The following OLFML2B variants were observed in gnomAD, a reference collection of about 807,000 sequenced individuals.
OLFML2B encodes olfactomedin like 2B.
Under a neutral mutation model 74.9 loss-of-function variants are expected in OLFML2B, and 57 were observed. The ratio of observed to expected loss-of-function variants is 0.76; its 90% CI spans 0.61 to 0.95. The LOEUF (loss-of-function observed/expected upper bound fraction) is 0.95, where lower values mean the gene tolerates loss of function less well. Ranked by LOEUF, OLFML2B falls within the 40% of genes least tolerant of loss-of-function variation. The pLI is 0.00. For missense variants in OLFML2B, 986 were observed against 970.6 expected (o/e 1.02, Z -0.21); for synonymous variants, 388 against 405.8 (o/e 0.96, Z 0.53).
chr1:161,992,793 T>G (rs1689779493), intron 6 of OLFML2B, among the ~76,000 whole-genome samples: 2 of 152,142 alleles, frequency 1.3e-5, no homozygotes, highest in Non-Finnish European at 2.9e-5. Flanking sequence ...CCCAAAACAA[T>G]GAAAATAGTA....
At chr1:161,987,736 T>C (rs929162539) in intron 6 of OLFML2B, among the ~76,000 whole-genome samples, 2 of 152,220 alleles carry the variant, frequency 1.3e-5, no homozygotes, top group African/African-American at 2.4e-5. Context: ...AGTCAGCTTC[T>C]TGGGTTAGGG....
In OLFML2B at chr1:161,984,916, A is replaced by C. The variant is rs1171345200; in HGVS notation, c.1539T>G (p.Asn513Lys). ...GPTTQNTYGR[N>K]EGAWMKDPLA... is the part of the protein sequence containing the mutation. ...GGGGGTCCTTCATCCAGGCCCCTTC[A>C]TTCCGCCCATATGTGTTCTGGGTGG... The change falls in exon 7 of 8, where the codon AAT becomes AAG. Residue 513 changes from asparagine to lysine, a missense_variant. By Grantham distance (94) the Asn-to-Lys change is moderately conservative. Coordinates refer to ENST00000294794, the MANE Select transcript of OLFML2B (RefSeq NM_015441.3). The C allele has an allele frequency of 1.2e-6, 2 of 1,608,018 alleles. No homozygotes were observed. The highest frequency in any genetic ancestry group is 1.4e-5 in the African/African-American group (1 of 72,828).
intron 3 of OLFML2B, among the ~76,000 whole-genome samples, chr1:162,015,231 G>A (rs574851395): frequency 2.4e-4 from 36 of 152,230 alleles, no homozygotes; most frequent in Admixed American, 6.5e-5. Flanking sequence ...TTGCAAAAAC[G>A]AGGTTACTGT....
intron 6 of OLFML2B, among the ~76,000 whole-genome samples, chr1:161,991,375 C>T (rs991890093): frequency 6.6e-6 from 1 of 152,342 alleles, no homozygotes; most frequent in East Asian, 1.9e-4. Flanking sequence ...GCATTCATCT[C>T]CTTGCACATC....
At chr1:162,009,386 A>G (rs1690314727) in intron 3 of OLFML2B, among the ~76,000 whole-genome samples, 1 of 152,094 alleles carries the variant, frequency 6.6e-6, no homozygotes, top group Non-Finnish European at 1.5e-5. Context: ...TTGACGGAAG[A>G]TCTCACTAGA....
intron 4 of OLFML2B, among the ~76,000 whole-genome samples, chr1:162,001,385 G>C (rs576089351): frequency 5.3e-5 from 8 of 152,184 alleles, no homozygotes; most frequent in Non-Finnish European, 1.0e-4. Context: ...TCTGCATAAG[G>C]GGGGCTGATT....
chr1:162,006,353 G>T lies in OLFML2B; in HGVS notation c.667C>A (p.Pro223Thr). 1 of 1,612,612 alleles carries T rather than the reference G, an allele frequency of 6.2e-7. No homozygotes were observed. The highest frequency in any genetic ancestry group is 8.5e-7 in the Non-Finnish European group (1 of 1,179,522). ...NCSENILDSMPDIRSALQRDA... is the reference protein window; with the variant it reads ...NCSENILDSMTDIRSALQRDA... ...CTCTGCAGGGCTGAGCGGATGTCTG[G>T]CATGCTATCTAGGATGTTTTCAGAG... The change falls in exon 4 of 8, where the codon CCA (proline) becomes ACA (threonine). Residue 223 changes from proline (P) to threonine (T), a missense_variant. Pro to Thr is a conservative substitution (Grantham distance 38). Transcript: ENST00000294794.
chr1:162,001,847 A>G (rs1690089520), intron 4 of OLFML2B, among the ~76,000 whole-genome samples: 1 of 152,226 alleles, frequency 6.6e-6, no homozygotes, highest in Admixed American at 6.5e-5. Context: ...ACAAATCCCA[A>G]GGAATCATCT....
chr1:162,011,022 A>C (rs139716955), intron 3 of OLFML2B, among the ~76,000 whole-genome samples: 74 of 152,250 alleles, frequency 4.9e-4, no homozygotes, highest in African/African-American at 1.7e-3. Context: ...CAGGTGGAAA[A>C]GGAAAGGGAA....
chr1:161,997,031 C>T (rs1689929849), intron 6 of OLFML2B, among the ~76,000 whole-genome samples: 1 of 152,180 alleles, frequency 6.6e-6, no homozygotes. Context: ...GTGGCGGGCA[C>T]CTGCAGTCCC....
At chr1:161,987,601 C>T (rs1308541528) in intron 6 of OLFML2B, among the ~76,000 whole-genome samples, 4 of 152,162 alleles carry the variant, frequency 2.6e-5, no homozygotes, top group Non-Finnish European at 5.9e-5. Context: ...CCTTCTGATA[C>T]CTTGATTTTA....
In OLFML2B at chr1:162,006,328, C is replaced by T. The variant is rs907777801; in HGVS notation, c.692G>A (p.Arg231Lys). The change falls in exon 4 of 8, where the codon AGG becomes AAG. Residue 231 changes from arginine to lysine, a missense_variant. Physicochemically the swap from Arg to Lys is conservative, Grantham distance 26 (BLOSUM62 2). Coordinates refer to ENST00000294794, the MANE Select transcript of OLFML2B (RefSeq NM_015441.3). ...SMPDIRSALQRDAAAAYAHPE... is the reference protein window; with the variant it reads ...SMPDIRSALQKDAAAAYAHPE... ...GTGGGCGTAGGCTGCTGCTGCATCC[C>T]TCTGCAGGGCTGAGCGGATGTCTGG... 3.1e-6 allele frequency: 5 copies of T among 1,605,262 alleles called. No homozygotes were observed. Among genetic ancestry groups the T allele is most frequent in the African/African-American group, 2.7e-5 (2 of 74,100 alleles).
At chr1:162,014,791 G>A (rs1448879639) in intron 3 of OLFML2B, among the ~76,000 whole-genome samples, 1 of 152,170 alleles carries the variant, frequency 6.6e-6, no homozygotes, top group East Asian at 1.9e-4. Context: ...TAGGCTGTCT[G>A]GTTTGGGGAA....
At chr1:161,991,463 G>A (rs556738978) in intron 6 of OLFML2B, among the ~76,000 whole-genome samples, 4 of 152,248 alleles carry the variant, frequency 2.6e-5, no homozygotes, top group African/African-American at 9.6e-5. Context: ...GGCCAGGCGC[G>A]GTGGCTCACA....
intron 3 of OLFML2B, among the ~76,000 whole-genome samples, chr1:162,011,977 C>T (rs566333532): frequency 6.6e-6 from 1 of 152,302 alleles, no homozygotes; most frequent in African/African-American, 2.4e-5. Context: ...GAAGTATATA[C>T]AACCCTGGGA....
intron 4 of OLFML2B, among the ~76,000 whole-genome samples, chr1:162,004,502 T>C (rs567785831): frequency 2.0e-5 from 3 of 152,180 alleles, no homozygotes; most frequent in African/African-American, 7.2e-5. Context: ...TTGAGTTACA[T>C]ATTGGGGAGG....
chr1:161,986,188 C>T (rs777749914), intron 6 of OLFML2B, among the ~76,000 whole-genome samples: 2 of 152,126 alleles, frequency 1.3e-5, no homozygotes, highest in Non-Finnish European at 2.9e-5. Flanking sequence ...GCCATCATGA[C>T]GACACTGATG....
intron 3 of OLFML2B, among the ~76,000 whole-genome samples, chr1:162,016,301 G>A (rs1311828385): frequency 6.6e-6 from 1 of 152,198 alleles, no homozygotes; most frequent in Non-Finnish European, 1.5e-5. Flanking sequence ...TGTCCAGATG[G>A]AGAAGGTAGG....
chr1:161,994,557 G>A (rs1360301527), intron 6 of OLFML2B, among the ~76,000 whole-genome samples: 3 of 152,168 alleles, frequency 2.0e-5, no homozygotes, highest in Non-Finnish European at 4.4e-5. Context: ...CTAAAGTCTG[G>A]GAATCTGCAG....
Sources: allele counts gnomAD v4.1 joint callset (sites outside exome capture counted in the v4.1 genomes callset), GRCh38; gene constraint gnomAD v4.1.1; transcripts MANE v1.5; gene names NCBI Gene and HGNC (gene_info 2026-07-23, HGNC 2026-07-21).